CA10: variants seen among roughly 807,000 people sequenced by gnomAD.
CA10 encodes carbonic anhydrase-related protein 10.
A neutral mutation model predicts 44.2 loss-of-function variants in CA10; 14 were observed. The ratio of observed to expected loss-of-function variants is 0.32; its 90% CI spans 0.21 to 0.50. The LOEUF (loss-of-function observed/expected upper bound fraction) is 0.50, where lower values mean the gene tolerates loss of function less well. Ranked by LOEUF, CA10 falls within the 20% of genes least tolerant of loss-of-function variation. CA10 has a pLI of 0.99. For synonymous variants in CA10, 159 were observed against 141.6 expected (o/e 1.12, Z -0.87); for missense variants, 350 against 409.7 (o/e 0.85, Z 1.26).
chr17:51,723,375 T>G (rs1472027546), intron 4 of CA10, among the ~76,000 whole-genome samples: 1 of 152,018 alleles, frequency 6.6e-6, no homozygotes, highest in Non-Finnish European at 1.5e-5. Flanking sequence ...AGCCAAAAGG[T>G]TCAAGAAAAG....
At chr17:51,669,572 A>G (rs1270227399) in intron 4 of CA10, among the ~76,000 whole-genome samples, 1 of 152,000 alleles carries the variant, frequency 6.6e-6, no homozygotes, top group East Asian at 1.9e-4. Flanking sequence ...CACTTTTATG[A>G]GCTGTAACAC....
At chr17:51,878,167 A>AAT (rs1491492818) in intron 3 of CA10, among the ~76,000 whole-genome samples, 14 of 135,858 alleles carry the variant, frequency 1.0e-4, no homozygotes, top group African/African-American at 3.0e-4. Flanking sequence ...AAAAAAAAAA[A>AAT]GAAAAAGGAA....
In CA10 at chr17:51,872,715, A is replaced by G. The variant is rs151279884; in HGVS notation, c.279+58275T>C. On this transcript the variant is annotated intron_variant, in intron 3 of 8. Coordinates refer to ENST00000451037, the MANE Select transcript of CA10 (RefSeq NM_020178.5). ...TGTTAAATTTTCAGGAATTTTGCAA[A>G]CTGGTTAATACCATATTGGTAGCTT... 2.1e-4 allele frequency among the ~76,000 whole-genome samples: 32 copies of G among 152,342 alleles called. 1 individual carries two copies. The highest frequency in any genetic ancestry group is 1.9e-3 in the Admixed American group (29 of 15,302).
chr17:51,714,813 G>A (rs1390323652), intron 4 of CA10, among the ~76,000 whole-genome samples: 3 of 152,162 alleles, frequency 2.0e-5, no homozygotes, highest in Admixed American at 6.5e-5. Context: ...AGGAGAGAGT[G>A]GGCAGGGAGG....
rs542576701 is a variant in CA10, at chr17:52,127,508, T to G, written c.61+30218A>C. On this transcript the variant is annotated intron_variant, in intron 1 of 8. Coordinates refer to ENST00000451037, the MANE Select transcript of CA10 (RefSeq NM_020178.5). ...CCTCCATTTAAATTTAAATAGACAC[T>G]GCAGACTTGCCCTCCAATAATGAAG... Among the ~76,000 whole-genome samples, 154 of 152,266 alleles carry G rather than the reference T, an allele frequency of 1.0e-3. 4 individuals carry two copies. The South Asian group carries it at 0.031, about 31-fold the overall frequency.
chr17:51,733,056 G>A (rs1249116529), intron 4 of CA10, among the ~76,000 whole-genome samples: 1 of 152,084 alleles, frequency 6.6e-6, no homozygotes, highest in African/African-American at 2.4e-5. Flanking sequence ...CCCCATTTGA[G>A]TGCGTTTCTG....
At chr17:51,953,718 T>C (rs1983568771) in intron 2 of CA10, among the ~76,000 whole-genome samples, 1 of 152,148 alleles carries the variant, frequency 6.6e-6, no homozygotes, top group South Asian at 2.1e-4. Context: ...TTAATTCATA[T>C]AAATCTTGCA....
intron 4 of CA10, among the ~76,000 whole-genome samples, chr17:51,725,219 C>A (rs1916476958): frequency 1.3e-5 from 2 of 152,208 alleles, no homozygotes; most frequent in African/African-American, 4.8e-5. Context: ...TCTTTATTTG[C>A]ACCTGGACAG....
At chr17:52,047,760 C>T (rs1299534605) in intron 2 of CA10, among the ~76,000 whole-genome samples, 2 of 151,828 alleles carry the variant, frequency 1.3e-5, no homozygotes, top group African/African-American at 2.4e-5. Context: ...CAATATCTTG[C>T]TTTTATCACT....
intron 2 of CA10, among the ~76,000 whole-genome samples, chr17:51,989,381 C>G (rs568237763): frequency 6.6e-6 from 1 of 151,908 alleles, no homozygotes; most frequent in African/African-American, 2.4e-5. Context: ...GTGTTCTCAC[C>G]TTTTAGCTTC....
chr17:51,633,067 C>T (rs983486848), intron 8 of CA10, among the ~76,000 whole-genome samples: 1 of 151,954 alleles, frequency 6.6e-6, no homozygotes, highest in Non-Finnish European at 1.5e-5. Context: ...TAACAGATAA[C>T]CTTGGGAACA....
intron 2 of CA10, among the ~76,000 whole-genome samples, chr17:51,953,088 C>G (rs1056425830): frequency 6.6e-6 from 1 of 152,248 alleles, no homozygotes; most frequent in South Asian, 2.1e-4. Flanking sequence ...TACAAACTTT[C>G]CTCGTTTAAA....
chr17:52,024,652 T>C (rs1986244858), intron 2 of CA10, among the ~76,000 whole-genome samples: 1 of 152,072 alleles, frequency 6.6e-6, no homozygotes, highest in Non-Finnish European at 1.5e-5. Context: ...GGCTACTTCC[T>C]CATCCACAGA....
At chr17:51,797,897 A>G (rs919096545) in intron 3 of CA10, among the ~76,000 whole-genome samples, 3 of 151,218 alleles carry the variant, frequency 2.0e-5, no homozygotes, top group South Asian at 2.1e-4. Context: ...ATATTTGACA[A>G]GAGTAGCTAA....
At chr17:51,710,844 T>C (rs531103844) in intron 4 of CA10, among the ~76,000 whole-genome samples, 13 of 151,314 alleles carry the variant, frequency 8.6e-5, no homozygotes, top group African/African-American at 2.9e-4. Context: ...GGCTCTCTTC[T>C]GGCCTCCTGA....
At chr17:51,765,388 T>C (rs1905335128) in intron 3 of CA10, among the ~76,000 whole-genome samples, 1 of 152,156 alleles carries the variant, frequency 6.6e-6, no homozygotes. Flanking sequence ...AATGATGCAA[T>C]TCAATACAGC....
chr17:51,781,785 G>C (rs1262624298), intron 3 of CA10, among the ~76,000 whole-genome samples: 3 of 152,148 alleles, frequency 2.0e-5, no homozygotes, highest in Admixed American at 2.0e-4. Context: ...ATCATGACAT[G>C]TAACAGTTTT....
intron 2 of CA10, among the ~76,000 whole-genome samples, chr17:52,050,831 C>T (rs541275054): frequency 2.6e-5 from 4 of 152,150 alleles, no homozygotes; most frequent in South Asian, 2.1e-4. Flanking sequence ...TTTGAAAATA[C>T]GTATTTATTG....
At position 51,875,062 on chromosome 17, in the gene CA10, C is replaced by T. The variant is rs899285328; in HGVS notation, c.279+55928G>A. Among the ~76,000 whole-genome samples, 8 of 151,472 alleles carry T rather than the reference C, an allele frequency of 5.3e-5. No homozygotes were observed. In the Admixed American group the frequency reaches 5.3e-4, roughly 10 times the overall value. ...GATCATGGTTCACTGCAGGCTTGAC[C>T]TCCTGGGCTCAAGCCATCCTCCCAC... On this transcript the variant is annotated intron_variant, in intron 3 of 8. Transcript: ENST00000451037.
Sources: allele counts gnomAD v4.1 joint callset (sites outside exome capture counted in the v4.1 genomes callset), GRCh38; gene constraint gnomAD v4.1.1; transcripts MANE v1.5; gene names NCBI Gene and HGNC (gene_info 2026-07-23, HGNC 2026-07-21).